The following CCSER1 variants were observed in gnomAD, a reference collection of about 807,000 sequenced individuals.
CCSER1 encodes coiled-coil serine rich protein 1, also known as serine-rich coiled-coil domain-containing protein 1.
In CCSER1, 41 loss-of-function variants were observed where a neutral mutation model predicts 82.0. That is an observed-to-expected ratio of 0.50 (90% CI 0.39 to 0.65). The LOEUF (loss-of-function observed/expected upper bound fraction) is 0.65, where lower values mean the gene tolerates loss of function less well. Among genes scored for constraint, CCSER1 ranks in the 30% least tolerant of loss-of-function variants. The pLI, the probability that CCSER1 is intolerant of heterozygous loss-of-function variation, is 0.00. For missense variants in CCSER1, 1,119 were observed against 1,064.2 expected (o/e 1.05, Z -0.72); for synonymous variants, 414 against 383.9 (o/e 1.08, Z -0.92).
chr4:90,308,492 T>C lies in CCSER1; in HGVS notation c.208T>C (p.Phe70Leu), dbSNP rs1734706891. The C allele has an allele frequency of 6.2e-7, 1 of 1,613,852 alleles. No individual in the cohort carries two copies. Among genetic ancestry groups the C allele is most frequent in the East Asian group, 2.2e-5 (1 of 44,870 alleles). The change falls in exon 2 of 11, where the codon TTC (phenylalanine) becomes CTC (leucine). Residue 70 changes from phenylalanine (F) to leucine (L), a missense_variant. Physicochemically the swap from Phe to Leu is conservative, Grantham distance 22 (BLOSUM62 0). Coordinates refer to ENST00000509176, the MANE Select transcript of CCSER1 (RefSeq NM_001145065.2). ...CATATTCCGTACTCCTTCCATTAGC[T>C]TCCACCATAAGAAGGGGAGTGAGCC... ...RSIFRTPSISFHHKKGSEPKQ... is the reference protein window; with the variant it reads ...RSIFRTPSISLHHKKGSEPKQ...
chr4:91,521,897 T>C (rs908087985), intron 10 of CCSER1, among the ~76,000 whole-genome samples: 94 of 152,202 alleles, frequency 6.2e-4, no homozygotes, highest in African/African-American at 2.2e-3. Flanking sequence ...AGATCTCATT[T>C]GTTAATTTTG....
intron 6 of CCSER1, among the ~76,000 whole-genome samples, chr4:90,657,956 A>T (rs2149080605): frequency 6.6e-6 from 1 of 152,258 alleles, no homozygotes; most frequent in Admixed American, 6.5e-5. Flanking sequence ...TACAAAAGTT[A>T]GCTGGGCATG....
chr4:90,222,894 T>C (rs948536474), intron 1 of CCSER1, among the ~76,000 whole-genome samples: 2 of 152,168 alleles, frequency 1.3e-5, no homozygotes, highest in Non-Finnish European at 2.9e-5. Context: ...TATAGTACAG[T>C]ATTATACCCT....
chr4:90,744,826 T>C (rs1281872424), intron 7 of CCSER1, among the ~76,000 whole-genome samples: 2 of 152,078 alleles, frequency 1.3e-5, no homozygotes, highest in Admixed American at 6.6e-5. Context: ...GGTGGAATAG[T>C]TTCATCCTGA....
chr4:91,180,267 T>C (rs1461854803), intron 10 of CCSER1, among the ~76,000 whole-genome samples: 2 of 152,214 alleles, frequency 1.3e-5, no homozygotes, highest in Non-Finnish European at 2.9e-5. Context: ...AGGGACTGAC[T>C]TGAGGAGGCA....
At chr4:90,781,155 C>A (rs1580437094) in intron 7 of CCSER1, 3 of 484,352 alleles carry the variant, frequency 6.2e-6, no homozygotes, top group Admixed American at 6.4e-5. Flanking sequence ...CAAACACCTC[C>A]CACCAAGCCC....
chr4:90,538,401 C>T (rs1775694140), intron 5 of CCSER1, among the ~76,000 whole-genome samples: 1 of 151,844 alleles, frequency 6.6e-6, no homozygotes, highest in Admixed American at 6.6e-5. Context: ...TTTTCTTTCT[C>T]TTTTTTCTTA....
intron 1 of CCSER1, among the ~76,000 whole-genome samples, chr4:90,241,832 G>A (rs1746907430): frequency 6.6e-6 from 1 of 152,166 alleles, no homozygotes. Flanking sequence ...AATAGGTGAT[G>A]CTATAAAAAC....
At chr4:91,332,391 A>G (rs1392248100) in intron 10 of CCSER1, among the ~76,000 whole-genome samples, 1 of 151,892 alleles carries the variant, frequency 6.6e-6, no homozygotes, top group East Asian at 1.9e-4. Flanking sequence ...AATTTTAGAT[A>G]TAAATAATAA....
At chr4:90,592,015 T>C (rs543254113) in intron 5 of CCSER1, among the ~76,000 whole-genome samples, 4 of 152,010 alleles carry the variant, frequency 2.6e-5, no homozygotes, top group East Asian at 3.9e-4. Flanking sequence ...AGGGAAACAT[T>C]ACACACGGGG....
chr4:91,265,024 G>A lies in CCSER1; in HGVS notation c.2217+179030G>A, dbSNP rs779260556. Among the ~76,000 whole-genome samples, 47 of 152,076 alleles carry A rather than the reference G, an allele frequency of 3.1e-4. 1 individual carries two copies. Among genetic ancestry groups the A allele is most frequent in the Non-Finnish European group, 6.5e-4 (44 of 67,918 alleles). ...ACAATTAGCATTCATTGTGTATAAAGAATTTTTTATATTGATTTTATAAAC... is the reference window on the plus strand; with the variant it reads ...ACAATTAGCATTCATTGTGTATAAAAAATTTTTTATATTGATTTTATAAAC... On this transcript the variant is annotated intron_variant, in intron 10 of 10. Transcript: ENST00000509176.
chr4:91,327,987 A>C (rs1307698899), intron 10 of CCSER1, among the ~76,000 whole-genome samples: 1 of 152,138 alleles, frequency 6.6e-6, no homozygotes, highest in Non-Finnish European at 1.5e-5. Context: ...CTCAGCCTGG[A>C]CTTCATTATC....
At chr4:90,682,587 G>A (rs1036202359) in intron 6 of CCSER1, among the ~76,000 whole-genome samples, 5 of 151,688 alleles carry the variant, frequency 3.3e-5, no homozygotes, top group Non-Finnish European at 4.4e-5. Context: ...ATGGAGCCAG[G>A]GCTCTGTTCC....
chr4:91,556,774 T>C (rs758639222), intron 10 of CCSER1, among the ~76,000 whole-genome samples: 2 of 151,170 alleles, frequency 1.3e-5, no homozygotes, highest in Non-Finnish European at 3.0e-5. Flanking sequence ...GCACAAATAA[T>C]TTATATAATT....
intron 10 of CCSER1, among the ~76,000 whole-genome samples, chr4:91,594,288 T>C (rs1342548209): frequency 6.6e-6 from 1 of 150,486 alleles, no homozygotes; most frequent in Non-Finnish European, 1.5e-5. Flanking sequence ...TATATATATG[T>C]GTGTATATAT....
chr4:90,136,862 G>T (rs560399862), intron 1 of CCSER1, among the ~76,000 whole-genome samples: 1 of 152,290 alleles, frequency 6.6e-6, no homozygotes, highest in East Asian at 1.9e-4. Context: ...ACCATCAGGT[G>T]AGAAGTTAGG....
At chr4:90,903,541 C>G (rs1581008619) in intron 8 of CCSER1, among the ~76,000 whole-genome samples, 1 of 152,086 alleles carries the variant, frequency 6.6e-6, no homozygotes, top group African/African-American at 2.4e-5. Flanking sequence ...AATTAGAAAT[C>G]AATACCAAAA....
intron 5 of CCSER1, among the ~76,000 whole-genome samples, chr4:90,599,702 C>G (rs1783810212): frequency 6.6e-6 from 1 of 152,138 alleles, no homozygotes; most frequent in South Asian, 2.1e-4. Flanking sequence ...TACCTCACTC[C>G]TTTGCTGCAC....
At position 90,566,102 on chromosome 4, in the gene CCSER1, C is replaced by T. The variant is rs544359530; in HGVS notation, c.1725-61923C>T. Among the ~76,000 whole-genome samples the T allele has an allele frequency of 2.0e-5, 3 of 151,818 alleles. No individual in the cohort carries two copies. In the South Asian group the frequency reaches 6.2e-4, roughly 32 times the overall value. On this transcript the variant is annotated intron_variant, in intron 5 of 10. Transcript: ENST00000509176. ...CAAACTCCTGACCTCAAATGATCCACCTGCCTCGACCTCCCAAAGTGCTGG... is the reference window on the plus strand; with the variant it reads ...CAAACTCCTGACCTCAAATGATCCATCTGCCTCGACCTCCCAAAGTGCTGG...
Sources: gnomAD v4.1 joint callset for allele counts (sites outside exome capture counted in the v4.1 genomes callset) on GRCh38, gnomAD v4.1.1 for gene constraint, MANE v1.5 for transcripts, NCBI Gene and HGNC (gene_info 2026-07-23, HGNC 2026-07-21) for gene names.